The following RNF13 variants were observed in gnomAD, a reference collection of about 807,000 sequenced individuals.
RNF13 encodes the protein ring finger protein 13.
RNF13 carries 19 observed loss-of-function variants against 37.7 expected under a neutral mutation model. The observed-to-expected ratio is 0.50, with a 90% CI of 0.35 to 0.74. The LOEUF is 0.74. Among genes scored for constraint, RNF13 ranks in the 30% least tolerant of loss-of-function variants. The pLI, the probability that RNF13 is intolerant of heterozygous loss-of-function variation, is 0.01. For missense variants in RNF13, 375 were observed against 453.0 expected, an observed-to-expected ratio of 0.83 and a Z score of 1.56; for synonymous variants, 144 against 157.8, an observed-to-expected ratio of 0.91 and a Z score of 0.65.
intron 8 of RNF13, among the ~76,000 whole-genome samples, chr3:149,946,087 GAGA>G (rs1459852313): frequency 9.2e-5 from 14 of 152,240 alleles, no homozygotes; most frequent in African/African-American, 2.2e-4. Context: ...GACAAGTTGA[GAGA>G]AGAAGGCTTC....
intron 4 of RNF13, among the ~76,000 whole-genome samples, chr3:149,887,412 C>G (rs1714171886): frequency 6.6e-6 from 1 of 152,166 alleles, no homozygotes; most frequent in African/African-American, 2.4e-5. Flanking sequence ...GTGATCCTCC[C>G]ACCTCAGCCT....
chr3:149,863,382 CTTTTT>C (rs547454647), intron 3 of RNF13, among the ~76,000 whole-genome samples: 1 of 151,776 alleles, frequency 6.6e-6, no homozygotes, highest in Non-Finnish European at 1.5e-5. Flanking sequence ...AGTCTTGATT[CTTTTT>C]TTTATTTTTT....
chr3:149,843,434 A>G (rs1165553845), intron 1 of RNF13, among the ~76,000 whole-genome samples: 1 of 152,198 alleles, frequency 6.6e-6, no homozygotes, highest in African/African-American at 2.4e-5. Context: ...CATTTTCCCC[A>G]CATTTTCCAC....
intron 8 of RNF13, among the ~76,000 whole-genome samples, chr3:149,932,238 T>G (rs901322032): frequency 2.6e-5 from 4 of 152,174 alleles, no homozygotes; most frequent in African/African-American, 7.2e-5. Context: ...GGTTTCATTT[T>G]TACTTTTTTG....
chr3:149,856,984 A>G (rs1723723614), intron 3 of RNF13, among the ~76,000 whole-genome samples: 2 of 152,138 alleles, frequency 1.3e-5, no homozygotes, highest in African/African-American at 2.4e-5. Context: ...TTCTGACTTC[A>G]TGATCCACCC....
At chr3:149,856,367 C>T (rs565779038) in intron 3 of RNF13, among the ~76,000 whole-genome samples, 1 of 151,130 alleles carries the variant, frequency 6.6e-6, no homozygotes, top group Non-Finnish European at 1.5e-5. Flanking sequence ...GTCTGTAAAA[C>T]CAATTAAATA....
chr3:149,854,626 C>T (rs1028627237), intron 3 of RNF13, among the ~76,000 whole-genome samples: 5 of 152,194 alleles, frequency 3.3e-5, no homozygotes, highest in African/African-American at 1.2e-4. Flanking sequence ...AAACCCAGAA[C>T]CACCTTGCAG....
rs137873781 is a variant in RNF13 at position 149,889,606 on chromosome 3, A to G, written c.322-5867A>G. Among the ~76,000 whole-genome samples the G allele has an allele frequency of 4.9e-3, 748 of 151,158 alleles. 2 individuals are homozygous for G. The highest frequency in any genetic ancestry group is 0.017 in the African/African-American group (716 of 41,168). ...GCGTGAGCCACTGCACTTGGCCCCA[A>G]ATATTTATTGAATGAATAAATAGAT... On this transcript the variant is annotated intron_variant, in intron 4 of 9. Transcript: ENST00000392894.
chr3:149,866,584 G>A (rs937891897), intron 3 of RNF13, among the ~76,000 whole-genome samples: 1 of 152,080 alleles, frequency 6.6e-6, no homozygotes, highest in Non-Finnish European at 1.5e-5. Context: ...TAACCATCTG[G>A]GAGTGCAGCC....
intron 7 of RNF13, among the ~76,000 whole-genome samples, chr3:149,916,171 C>G (rs1434612561): frequency 6.6e-6 from 1 of 151,650 alleles, no homozygotes; most frequent in Admixed American, 6.6e-5. Context: ...GGTCTAGTGA[C>G]CTTCTCATAG....
At chr3:149,873,474 C>CTTTA (rs1313889199) in intron 4 of RNF13, among the ~76,000 whole-genome samples, 1 of 152,106 alleles carries the variant, frequency 6.6e-6, no homozygotes, top group East Asian at 1.9e-4. Flanking sequence ...CTGAGTACTT[C>CTTTA]TAAAGGAGTT....
chr3:149,959,858 T>C, intron 8 of RNF13, 198 bp from the exon 9 acceptor site: 1 of 420,646 alleles, frequency 2.4e-6, no homozygotes, highest in Non-Finnish European at 4.2e-6. Context: ...AAATTTGTCA[T>C]CAATTTTTAA....
At chr3:149,940,524 A>G (rs775556248) in intron 8 of RNF13, among the ~76,000 whole-genome samples, 5 of 152,112 alleles carry the variant, frequency 3.3e-5, no homozygotes, top group Admixed American at 1.3e-4. Context: ...CAGGATGTTT[A>G]CTTTCTTTAT....
intron 7 of RNF13, among the ~76,000 whole-genome samples, chr3:149,920,063 A>G (rs1019397949): frequency 1.6e-4 from 24 of 152,164 alleles, no homozygotes; most frequent in Admixed American, 1.4e-3. Flanking sequence ...AGTATCTTCA[A>G]ATATTTTGTC....
intron 8 of RNF13, among the ~76,000 whole-genome samples, chr3:149,923,764 C>CA (rs375634287): frequency 0.076 from 4,119 of 54,240 alleles, 99 homozygotes; most frequent in South Asian, 0.1. Flanking sequence ...GACTCCATCT[C>CA]AAAAAAAAAA....
intron 8 of RNF13, chr3:149,939,796 A>C: frequency 2.2e-5 from 12 of 550,068 alleles, no homozygotes; most frequent in African/African-American, 3.8e-5. Flanking sequence ...CAAATCTTCC[A>C]TGGGGTGGTG....
chr3:149,916,323 T>C (rs1392661890), intron 7 of RNF13, among the ~76,000 whole-genome samples: 2 of 152,214 alleles, frequency 1.3e-5, no homozygotes, highest in Non-Finnish European at 2.9e-5. Context: ...CTACTATTTG[T>C]GGAATAAGTT....
At position 149,895,471 on chromosome 3, in the gene RNF13, A is replaced by G. The variant is rs1164048870; in HGVS notation, c.322-2A>G. On this transcript the variant is annotated splice_acceptor_variant, in intron 4 of 9. Coordinates refer to ENST00000392894, the MANE Select transcript of RNF13 (RefSeq NM_183381.3). LOFTEE classifies it high-confidence loss of function. ...TTTTTTTTTTTTTTTTTTGCTTTGC[A>G]GGTTTTAAATGCACAGAGAGCAGGA... 2 of 1,469,556 alleles carry G rather than the reference A, an allele frequency of 1.4e-6. No individual in the cohort carries two copies. Among genetic ancestry groups the G allele is most frequent in the Non-Finnish European group, 1.8e-6 (2 of 1,089,166 alleles). 91.0% of individuals were successfully genotyped at this position (1,469,556 alleles called of 1,614,324 possible).
chr3:149,951,728 T>G (rs1721363047), intron 8 of RNF13, among the ~76,000 whole-genome samples: 1 of 152,236 alleles, frequency 6.6e-6, no homozygotes, highest in South Asian at 2.1e-4. Context: ...CATACTATTA[T>G]GTAGTATGAA....
Sources: gnomAD v4.1 joint callset for allele counts (sites outside exome capture counted in the v4.1 genomes callset) on GRCh38, gnomAD v4.1.1 for gene constraint, MANE v1.5 for transcripts, NCBI Gene and HGNC (gene_info 2026-07-23, HGNC 2026-07-21) for gene names.